The following LARP1 variants were observed in gnomAD, a reference collection of about 807,000 sequenced individuals.
The protein encoded by LARP1 is la-related protein 1.
A neutral mutation model predicts 122.7 loss-of-function variants in LARP1; 36 were observed. That is an observed-to-expected ratio of 0.29 (90% CI 0.22 to 0.39). The LOEUF (loss-of-function observed/expected upper bound fraction) is 0.39. Among genes scored for constraint, LARP1 ranks in the 10% least tolerant of loss-of-function variants. The pLI, the probability that LARP1 is intolerant of heterozygous loss-of-function variation, is 1.00. For missense variants in LARP1, 1,040 were observed against 1,403.6 expected (o/e 0.74, Z 4.14); for synonymous variants, 539 against 528.7 (o/e 1.02, Z -0.27).
chr5:154,811,348 A>G lies in LARP1; in HGVS notation c.2945A>G (p.Tyr982Cys), dbSNP rs1405012398. The G allele has an allele frequency of 2.5e-6, 4 of 1,614,002 alleles. No homozygotes were observed. Among genetic ancestry groups the G allele is most frequent in the African/African-American group, 2.7e-5 (2 of 74,926 alleles). Reference protein sequence around the residue: ...KDFQEETVKDYEAGQLYGLEK... With the variant: ...KDFQEETVKDCEAGQLYGLEK... ...TTTCAGGAGGAAACGGTGAAGGACT[A>G]TGAAGCTGGTAAGAGCCAGAGTTGG... Residue 982 changes from tyrosine to cysteine, a missense_variant, in exon 17 of 19, where the codon TAT becomes TGT. Physicochemically the swap from Tyr to Cys is radical, Grantham distance 194. Around this residue, in one of 8 missense-constraint regions of LARP1, gnomAD observed 129 missense variants for 160.8 expected, o/e 0.80. Transcript: ENST00000518297.
intron 1 of LARP1, among the ~76,000 whole-genome samples, chr5:154,695,566 A>G (rs1242042438): frequency 1.3e-5 from 2 of 151,954 alleles, no homozygotes; most frequent in Non-Finnish European, 2.9e-5. Flanking sequence ...CTGAGGCAGG[A>G]GAATCACTTG....
intron 10 of LARP1, among the ~76,000 whole-genome samples, chr5:154,800,587 G>A (rs1460572952): frequency 6.6e-6 from 1 of 151,132 alleles, no homozygotes; most frequent in Non-Finnish European, 1.5e-5. Flanking sequence ...AAAGGAAGGA[G>A]ACATTAGAAT....
intron 1 of LARP1, among the ~76,000 whole-genome samples, chr5:154,692,988 ATTATTTTT>A (rs1403878656): frequency 7.0e-6 from 1 of 141,976 alleles, no homozygotes; most frequent in Non-Finnish European, 1.5e-5. Context: ...TTAATTTTTA[ATTATTTTT>A]TTTTTTTTTG....
intron 1 of LARP1, among the ~76,000 whole-genome samples, chr5:154,778,740 C>G (rs2113705864): frequency 6.6e-6 from 1 of 152,332 alleles, no homozygotes; most frequent in South Asian, 2.1e-4. Flanking sequence ...GACTGTCAAC[C>G]AGTCTCTTGA....
intron 1 of LARP1, among the ~76,000 whole-genome samples, chr5:154,714,358 C>G (rs1188560394): frequency 6.6e-6 from 1 of 152,060 alleles, no homozygotes; most frequent in African/African-American, 2.4e-5. Flanking sequence ...AATCCTTTTA[C>G]TTTAAAAAAA....
intron 1 of LARP1, among the ~76,000 whole-genome samples, chr5:154,769,723 G>A (rs1035033024): frequency 6.6e-6 from 1 of 152,194 alleles, no homozygotes; most frequent in Non-Finnish European, 1.5e-5. Flanking sequence ...AATCTCTAAG[G>A]CTCTGTTAAG....
At chr5:154,727,927 G>C (rs1212299312) in intron 1 of LARP1, among the ~76,000 whole-genome samples, 1 of 152,118 alleles carries the variant, frequency 6.6e-6, no homozygotes, top group Non-Finnish European at 1.5e-5. Flanking sequence ...AATTAGCCGG[G>C]CATGGTGGTG....
intron 1 of LARP1, among the ~76,000 whole-genome samples, chr5:154,762,858 A>G (rs530564332): frequency 3.2e-4 from 48 of 152,306 alleles, no homozygotes; most frequent in African/African-American, 1.1e-3. Flanking sequence ...TAAGTCCCAC[A>G]GTAGCCAGGA....
At chr5:154,717,689 C>T (rs556051582) in intron 1 of LARP1, among the ~76,000 whole-genome samples, 1 of 152,234 alleles carries the variant, frequency 6.6e-6, no homozygotes, top group African/African-American at 2.4e-5. Context: ...TGCCAATTCC[C>T]AATACTTTGA....
At chr5:154,812,836 C>G (rs146941875) in intron 18 of LARP1, among the ~76,000 whole-genome samples, 1 of 151,944 alleles carries the variant, frequency 6.6e-6, no homozygotes, top group African/African-American at 2.4e-5. Context: ...CTTATAAGAC[C>G]GTCAGATCTT....
chr5:154,704,261 G>A (rs909235327), intron 1 of LARP1, among the ~76,000 whole-genome samples: 2 of 152,192 alleles, frequency 1.3e-5, no homozygotes, highest in Non-Finnish European at 2.9e-5. Flanking sequence ...TCCTAAGTCC[G>A]TTGACTGTGA....
chr5:154,683,585 G>A (rs573499831), intron 1 of LARP1, among the ~76,000 whole-genome samples: 2 of 152,202 alleles, frequency 1.3e-5, no homozygotes, highest in African/African-American at 4.8e-5. Flanking sequence ...TTTCACCTAG[G>A]CCACTGAACT....
At position 154,799,952 on chromosome 5, in the gene LARP1, C is replaced by T. The variant is rs1758208005; in HGVS notation, c.1626C>T (p.Pro542=). ...TEEVSNLKTL[P]KGLSASLPDL... ...AGGTCAGCAACCTAAAGACACTACC[C>T]AAGGGCCTGTCTGCCAGCCTGCCTG... Residue 542 remains proline (P), a synonymous_variant, in exon 10 of 19, where the codon CCC becomes CCT. Coordinates refer to ENST00000518297, the MANE Select transcript of LARP1 (RefSeq NM_033551.3). The T allele has an allele frequency of 1.2e-6, 2 of 1,614,202 alleles. No homozygotes were observed. The highest frequency in any genetic ancestry group is 2.2e-5 in the East Asian group (1 of 44,878).
intron 10 of LARP1, 110 bp from the exon 11 acceptor site, chr5:154,801,897 T>C: frequency 1.9e-6 from 2 of 1,027,674 alleles, no homozygotes; most frequent in Non-Finnish European, 2.8e-6. Flanking sequence ...AGGGTCATAG[T>C]TGAACAGTCT....
intron 10 of LARP1, among the ~76,000 whole-genome samples, chr5:154,800,394 C>G (rs926715547): frequency 2.6e-5 from 4 of 152,062 alleles, no homozygotes; most frequent in Admixed American, 6.5e-5. Context: ...GGTGTCTTTT[C>G]CCTGAGTATG....
At chr5:154,698,454 G>A (rs549293093) in intron 1 of LARP1, among the ~76,000 whole-genome samples, 14 of 152,088 alleles carry the variant, frequency 9.2e-5, no homozygotes, top group South Asian at 2.1e-4. Context: ...AAAATTAGCC[G>A]GATGTGGTGG....
intron 1 of LARP1, among the ~76,000 whole-genome samples, chr5:154,687,514 T>TG (rs1375164742): frequency 1.3e-5 from 2 of 152,208 alleles, no homozygotes; most frequent in East Asian, 3.9e-4. Context: ...CCCTAGTAGC[T>TG]GGGACTACAG....
In LARP1 at chr5:154,755,720, C is replaced by T. The variant is rs1255735920; in HGVS notation, c.-38C>T. 2 of 987,474 alleles carry T rather than the reference C, an allele frequency of 2.0e-6. No individual in the cohort carries two copies. The highest frequency in any genetic ancestry group is 1.2e-6 in the Non-Finnish European group (1 of 830,356). 61.2% of individuals were successfully genotyped at this position (987,474 alleles called of 1,614,324 possible). Reference sequence around the variant, plus strand: ...AAGTTCGAGGCGGGGGAGGCAGCCTCGGGCGCGCCCGGCTTCTCCGGGGGG... The same window carrying T: ...AAGTTCGAGGCGGGGGAGGCAGCCTTGGGCGCGCCCGGCTTCTCCGGGGGG... On this transcript the variant is annotated 5_prime_UTR_variant, in exon 1 of 19. Coordinates refer to ENST00000518297, the MANE Select transcript of LARP1 (RefSeq NM_033551.3).
intron 8 of LARP1, among the ~76,000 whole-genome samples, chr5:154,795,924 ATATT>A (rs1275084356): frequency 2.6e-4 from 32 of 120,760 alleles, no homozygotes; most frequent in African/African-American, 6.1e-4. Context: ...TTATATATTT[ATATT>A]TATATATTAT....
Sources: gnomAD v4.1 joint callset for allele counts (sites outside exome capture counted in the v4.1 genomes callset) on GRCh38, gnomAD v4.1.1 for gene constraint, gnomAD v4.1.1 regional missense constraint, MANE v1.5 for transcripts, NCBI Gene and HGNC (gene_info 2026-07-23, HGNC 2026-07-21) for gene names.